The following SLC4A1AP variants were observed in gnomAD, a reference collection of about 807,000 sequenced individuals.
SLC4A1AP encodes kanadaptin.
SLC4A1AP carries 64 observed loss-of-function variants against 89.7 expected under a neutral mutation model. That is an observed-to-expected ratio of 0.71 (90% CI 0.58 to 0.88). The LOEUF (loss-of-function observed/expected upper bound fraction) is 0.88, where lower values mean the gene tolerates loss of function less well. Among genes scored for constraint, SLC4A1AP ranks in the 40% least tolerant of loss-of-function variants. SLC4A1AP has a pLI of 0.00. For synonymous variants in SLC4A1AP, 366 were observed against 353.3 expected, an observed-to-expected ratio of 1.04 and a Z score of -0.40; for missense variants, 931 against 965.0, an observed-to-expected ratio of 0.96 and a Z score of 0.47.
exon 1 of SLC4A1AP, chr2:27,663,981 C>T (rs1298363327): frequency 1.9e-6 from 3 of 1,614,226 alleles, no homozygotes; most frequent in Non-Finnish European, 2.5e-6. Context: ...CTTCAAGAAG[C>T]CAGCTCTGCC....
chr2:27,675,033 TTAAC>T (rs1181392068), intron 5 of SLC4A1AP, among the ~76,000 whole-genome samples: 1 of 152,192 alleles, frequency 6.6e-6, no homozygotes, highest in Non-Finnish European at 1.5e-5. Context: ...ATTAAATAAA[TTAAC>T]TATTTGCTTT....
At chr2:27,693,607 G>GCT (rs1213062316) in intron 12 of SLC4A1AP, 78 bp from the exon 13 acceptor site, 5 of 1,127,136 alleles carry the variant, frequency 4.4e-6, no homozygotes, top group Non-Finnish European at 6.5e-6. Context: ...CTAACAATAG[G>GCT]ACCCCAATCC....
intron 2 of SLC4A1AP, among the ~76,000 whole-genome samples, chr2:27,666,359 A>ACCACCCC (rs1553363254): frequency 2.1e-3 from 7 of 3,362 alleles, no homozygotes; most frequent in African/African-American, 2.8e-3. Context: ...TCCACCCCCC[A>ACCACCCC]CCCCCCCCCC....
chr2:27,668,841 AG>A lies in SLC4A1AP; in HGVS notation c.1145del, dbSNP rs1558505496. 6.2e-7 allele frequency: 1 copy of A among 1,612,596 alleles called. No individual in the cohort carries two copies. The highest frequency in any genetic ancestry group is 8.5e-7 in the Non-Finnish European group (1 of 1,178,652). ...ATTGTTTTGTCTGTCTTTCTCCCAC[AG>A]GAGAAGAATTAGAATATGAATTTGA... On this transcript the variant is annotated splice_acceptor_variant, in intron 3 of 13. Coordinates refer to ENST00000613058, the Ensembl canonical transcript of SLC4A1AP. LOFTEE classifies it high-confidence loss of function.
chr2:27,688,072 G>A (rs1216751144), intron 11 of SLC4A1AP, 52 bp downstream of exon 11: 2 of 1,474,504 alleles, frequency 1.4e-6, no homozygotes. Context: ...TGGCTGACTG[G>A]TTTCATAAGG....
intron 8 of SLC4A1AP, among the ~76,000 whole-genome samples, chr2:27,680,847 A>G (rs1251859950): frequency 6.6e-6 from 1 of 152,042 alleles, no homozygotes. Flanking sequence ...TTAAAAAAAA[A>G]AAAAAACGAA....
chr2:27,669,189 T>C, intron 4 of SLC4A1AP, 59 bp from the exon 5 acceptor site: 1 of 1,529,318 alleles, frequency 6.5e-7, no homozygotes, highest in South Asian at 1.3e-5. Context: ...AGCATAGTAG[T>C]TGTTTTCTTG....
chr2:27,685,318 G>C, intron 10 of SLC4A1AP, 41 bp downstream of exon 10: 1 of 1,565,412 alleles, frequency 6.4e-7, no homozygotes, highest in Non-Finnish European at 8.6e-7. Flanking sequence ...TCAGTGGGCA[G>C]TTACATTGAT....
At chr2:27,682,472 G>A in intron 9 of SLC4A1AP, 113 bp downstream of exon 9, 1 of 624,390 alleles carries the variant, frequency 1.6e-6, no homozygotes, top group South Asian at 2.0e-5. Flanking sequence ...ATGTGAGAAA[G>A]GGCTGTGGGC....
At position 27,663,949 on chromosome 2, in the gene SLC4A1AP, C is replaced by CG. The variant is rs1675247821; in HGVS notation, c.198dup (p.Ser67ValfsTer22). On this transcript the variant is annotated frameshift_variant, in exon 1 of 14. Transcript: ENST00000613058. LOFTEE classifies it high-confidence loss of function. ...ATTCTCTCTCAGTCAGAGACCCTGG[C>CG]GTCGCAAGACCTCAGTGGGGACTTC... The CG allele has an allele frequency of 1.9e-6, 3 of 1,614,024 alleles. No homozygotes were observed. Among genetic ancestry groups the CG allele is most frequent in the Non-Finnish European group, 2.5e-6 (3 of 1,180,038 alleles).
chr2:27,667,183 A>T, intron 2 of SLC4A1AP, 85 bp from the exon 3 acceptor site: 3 of 1,435,866 alleles, frequency 2.1e-6, no homozygotes, highest in Non-Finnish European at 2.8e-6. Context: ...CTATATCTTT[A>T]TGCAGCCTGA....
At chr2:27,688,661 C>T in intron 11 of SLC4A1AP, 39 bp from the exon 12 acceptor site, 1 of 1,417,982 alleles carries the variant, frequency 7.1e-7, no homozygotes, top group Non-Finnish European at 9.7e-7. Flanking sequence ...TTTACTTATA[C>T]TGAAAATAGC....
chr2:27,688,821 A>G, intron 12 of SLC4A1AP, 54 bp downstream of exon 12: 4 of 1,346,966 alleles, frequency 3.0e-6, no homozygotes, highest in Non-Finnish European at 4.1e-6. Flanking sequence ...CATGGACCAC[A>G]TCCAGAAAAG....
intron 5 of SLC4A1AP, among the ~76,000 whole-genome samples, chr2:27,670,917 C>CT (rs1397991831): frequency 1.5e-5 from 2 of 132,308 alleles, no homozygotes; most frequent in African/African-American, 2.9e-5. Context: ...TATTTCTTTT[C>CT]TTTTCTTTTT....
At chr2:27,664,165 C>T (rs757799898) in exon 1 of SLC4A1AP, 1 of 1,614,078 alleles carries the variant, frequency 6.2e-7, no homozygotes, top group African/African-American at 1.3e-5. Context: ...CAGTCGCGCC[C>T]CCCGACAGCG....
chr2:27,685,851 T>C (rs1385168291), intron 10 of SLC4A1AP, among the ~76,000 whole-genome samples: 3 of 152,190 alleles, frequency 2.0e-5, no homozygotes, highest in Non-Finnish European at 4.4e-5. Context: ...GATATATGCA[T>C]CAATTAATTC....
intron 3 of SLC4A1AP, chr2:27,668,633 A>G (rs1340331889): frequency 8.7e-6 from 6 of 687,328 alleles, no homozygotes; most frequent in East Asian, 5.5e-5. Flanking sequence ...TATTTTTTGT[A>G]CAGATGGGGT....
intron 7 of SLC4A1AP, 64 bp downstream of exon 7, chr2:27,677,428 C>G (rs1279040025): frequency 4.6e-6 from 5 of 1,086,326 alleles, no homozygotes; most frequent in African/African-American, 1.6e-5. Flanking sequence ...GGCACTGGGG[C>G]TACATTAGTT....
exon 2 of SLC4A1AP, chr2:27,665,267 T>G: frequency 1.2e-6 from 2 of 1,611,324 alleles, no homozygotes; most frequent in Non-Finnish European, 1.7e-6. Context: ...GTAGCCAAGA[T>G]GATGAGATGG....
Sources: allele counts gnomAD v4.1 joint callset (sites outside exome capture counted in the v4.1 genomes callset), GRCh38; gene constraint gnomAD v4.1.1; transcripts MANE v1.5; gene names NCBI Gene and HGNC (gene_info 2026-07-23, HGNC 2026-07-21).